Variants in DOC2B observed in about 807,000 individuals in gnomAD.
DOC2B encodes double C2-like domain-containing protein beta.
A neutral mutation model predicts 28.9 loss-of-function variants in DOC2B; 21 were observed. That is an observed-to-expected ratio of 0.73 (90% CI 0.52 to 1.05). DOC2B has a LOEUF of 1.05. Ranked by LOEUF, DOC2B falls within the 50% of genes least tolerant of loss-of-function variation. DOC2B has a pLI of 0.00. For missense variants in DOC2B, 384 were observed against 421.1 expected (o/e 0.91, Z 0.77); for synonymous variants, 194 against 178.1 (o/e 1.09, Z -0.71).
rs112706180 is a variant in DOC2B, at chr17:159,041, T to TAAAA, written c.765+2370_765+2373dup. Among the ~76,000 whole-genome samples, 5 of 139,722 alleles carry TAAAA rather than the reference T, an allele frequency of 3.6e-5. No individual in the cohort carries two copies. In the South Asian group the frequency reaches 6.9e-4, roughly 19 times the overall value. 91.7% of individuals were successfully genotyped at this position (139,722 alleles called of 152,430 possible). A position where few individuals can be genotyped will look rare whatever the true frequency, so the allele number is the denominator to read the frequency against. ...CCTGGGCGACATAGACTCCATCTCA[T>TAAAA]AAAAAAAAAAAAAAAACAACCAACC... On this transcript the variant is annotated intron_variant, in intron 5 of 8. Transcript: ENST00000613549.
chr17:165,246 C>T (rs1015321197), intron 2 of DOC2B, among the ~76,000 whole-genome samples: 6 of 152,182 alleles, frequency 3.9e-5, no homozygotes, highest in South Asian at 4.1e-4. Context: ...CGGTGGCTCA[C>T]GCCTGTAATC....
In DOC2B at chr17:143,768, C is replaced by A. The variant is rs943498923; in HGVS notation, c.*3673G>T. 4 of 152,286 alleles carry A rather than the reference C, an allele frequency of 2.6e-5. No individual in the cohort carries two copies. Among genetic ancestry groups the A allele is most frequent in the Middle Eastern group, 3.4e-3 (1 of 294 alleles). The allele number at this position is 152,286 out of a possible 1,614,324, so 9.4% of individuals were successfully genotyped here. A position where few individuals can be genotyped will look rare whatever the true frequency, so the allele number is the denominator to read the frequency against. On this transcript the variant is annotated 3_prime_UTR_variant, in exon 9 of 9. Coordinates refer to ENST00000613549, the MANE Select transcript of DOC2B (RefSeq NM_003585.5). ...TAACAAATAAGACTTAAAAAGGACA[C>A]CTTCGGGTAGGTCAGACCAAAATAC...
chr17:156,159 C>G, intron 6 of DOC2B, 61 bp downstream of exon 6: 5 of 1,482,158 alleles, frequency 3.4e-6, no homozygotes, highest in Non-Finnish European at 4.5e-6. Flanking sequence ...GGAGCCGGCA[C>G]ACGGACCCCC....
At position 159,627 on chromosome 17, in the gene DOC2B, A is replaced by AAAT. The variant is rs1392639169; in HGVS notation, c.765+1785_765+1787dup. ...TGACAGAGCAAGACTCAGTCTCAAA[A>AAAT]AATAATAATAATAAAAGTACCACCA... On this transcript the variant is annotated intron_variant, in intron 5 of 8. Coordinates refer to ENST00000613549, the MANE Select transcript of DOC2B (RefSeq NM_003585.5). Among the ~76,000 whole-genome samples the AAAT allele has an allele frequency of 5.9e-5, 9 of 152,248 alleles. No homozygotes were observed. In the East Asian group the frequency reaches 1.7e-3, roughly 29 times the overall value.
intron 2 of DOC2B, among the ~76,000 whole-genome samples, chr17:169,692 G>A (rs1236987437): frequency 2.6e-5 from 4 of 151,974 alleles, no homozygotes; most frequent in Non-Finnish European, 5.9e-5. Context: ...CCCTTATAAG[G>A]GGGGACAAGC....
chr17:174,199 G>A (rs1280728295), intron 1 of DOC2B, among the ~76,000 whole-genome samples: 3 of 152,170 alleles, frequency 2.0e-5, no homozygotes, highest in African/African-American at 4.8e-5. Context: ...CTCTGTCTTC[G>A]CAGCAGTGTG....
At chr17:156,608 C>A (rs1041733563) in intron 5 of DOC2B, among the ~76,000 whole-genome samples, 13 of 152,212 alleles carry the variant, frequency 8.5e-5, no homozygotes, top group African/African-American at 2.9e-4. Flanking sequence ...CTGCATGTGG[C>A]CTACGGTGGC....
At chr17:175,805 C>T (rs973379499) in intron 1 of DOC2B, among the ~76,000 whole-genome samples, 3 of 152,224 alleles carry the variant, frequency 2.0e-5, no homozygotes, top group East Asian at 1.9e-4. Context: ...AGGGGAGAAG[C>T]CCCTGCACTG....
chr17:181,017 G>A lies in DOC2B; in HGVS notation c.373+90C>T, dbSNP rs1414439906. 9.1e-7 allele frequency: 1 copy of A among 1,094,366 alleles called. No homozygotes were observed. Among genetic ancestry groups the A allele is most frequent in the Non-Finnish European group, 1.2e-6 (1 of 868,780 alleles). The allele number at this position is 1,094,366 out of a possible 1,614,324, so 67.8% of individuals were successfully genotyped here. ...ACCGAGGCAGAGCGCGAGCGCGCGAGGGGGACCGGCGGAGGGAAGCCGCGA... is the reference window on the plus strand; with the variant it reads ...ACCGAGGCAGAGCGCGAGCGCGCGAAGGGGACCGGCGGAGGGAAGCCGCGA... On this transcript the variant is annotated intron_variant, in intron 1 of 8. Coordinates refer to ENST00000613549, the MANE Select transcript of DOC2B (RefSeq NM_003585.5). This position sits in a 1 kb window ranked among gnomAD's most constrained non-coding sequence, Gnocchi z 7.0.
At chr17:148,359 G>C in intron 7 of DOC2B, 90 bp from the exon 8 acceptor site, 1 of 397,988 alleles carries the variant, frequency 2.5e-6, no homozygotes, top group Admixed American at 4.4e-5. Flanking sequence ...GGACAGAGGA[G>C]GGATGGGGGT....
intron 2 of DOC2B, among the ~76,000 whole-genome samples, chr17:164,939 A>G (rs1555523718): frequency 6.6e-6 from 1 of 152,134 alleles, no homozygotes; most frequent in Admixed American, 6.5e-5. Flanking sequence ...GATAGTATTC[A>G]AAGGGCTTCT....
intron 1 of DOC2B, among the ~76,000 whole-genome samples, chr17:172,819 C>A (rs2040327805): frequency 6.6e-6 from 1 of 152,210 alleles, no homozygotes; most frequent in Admixed American, 6.5e-5. Flanking sequence ...AATCTCCCCA[C>A]TTTCCAGAGG....
rs547951388 is a variant in DOC2B at position 173,121 on chromosome 17, G to T, written c.374-505C>A. ...TGCAGCTCCTCTGTCTCTCTGGCCC[G>T]TTGGGAACCCCGAGCAGGCCGTGAG... On this transcript the variant is annotated intron_variant, in intron 1 of 8. Transcript: ENST00000613549. Among the ~76,000 whole-genome samples the T allele has an allele frequency of 5.9e-5, 9 of 152,302 alleles. 1 individual carries two copies. The highest frequency in any genetic ancestry group is 1.9e-4 in the African/African-American group (8 of 41,570).
intron 7 of DOC2B, 59 bp downstream of exon 7, chr17:149,052 A>C: frequency 2.5e-6 from 1 of 397,238 alleles, no homozygotes; most frequent in African/African-American, 2.1e-5. Flanking sequence ...ACCCAGCCAC[A>C]CCCCCACTGC....
chr17:172,705 G>T, intron 1 of DOC2B, 89 bp from the exon 2 acceptor site: 1 of 1,100,474 alleles, frequency 9.1e-7, no homozygotes, highest in Non-Finnish European at 1.3e-6. Context: ...GCCTGGCCTG[G>T]GCAGGTGCCA....
intron 6 of DOC2B, among the ~76,000 whole-genome samples, chr17:154,868 T>C (rs1291627138): frequency 6.6e-6 from 1 of 152,136 alleles, no homozygotes; most frequent in African/African-American, 2.4e-5. Flanking sequence ...TAGCTGCGAT[T>C]ACAGGCGCCC....
chr17:159,410 A>C (rs1055499538), intron 5 of DOC2B, among the ~76,000 whole-genome samples: 3 of 152,122 alleles, frequency 2.0e-5, no homozygotes, highest in Non-Finnish European at 1.5e-5. Context: ...TGGATCATTC[A>C]AGGTCAGGAG....
Position 181,392 on chromosome 17 carries a change from T to G in DOC2B, c.88A>C (p.Ile30Leu), listed in dbSNP as rs990003322. The G allele has an allele frequency of 2.6e-6, 3 of 1,162,654 alleles. No homozygotes were observed. In the African/African-American group the frequency reaches 5.0e-5, roughly 19 times the overall value. 72.0% of individuals were successfully genotyped at this position (1,162,654 alleles called of 1,614,324 possible). A position where few individuals can be genotyped will look rare whatever the true frequency, so the allele number is the denominator to read the frequency against. The stretch of plus-strand genomic sequence containing the variant: ...GGGAAGTAGTCGGAGATCTGCTTGA[T>G]GGGACGGATGGGGCCGGGGCACACG... Reference protein sequence around the residue: ...IDVCPGPIRPIKQISDYFPRF... With the variant: ...IDVCPGPIRPLKQISDYFPRF... Residue 30 changes from isoleucine (I) to leucine (L), a missense_variant, in exon 1 of 9, where the codon ATC (isoleucine) becomes CTC (leucine). Transcript: ENST00000613549. The surrounding 1 kb of genome is among the most constrained non-coding windows in gnomAD (Gnocchi z 7.0).
chr17:144,493 C>G lies in DOC2B; in HGVS notation c.*2948G>C, dbSNP rs2040006282. 1 of 152,242 alleles carries G rather than the reference C, an allele frequency of 6.6e-6. No homozygotes were observed. Among genetic ancestry groups the G allele is most frequent in the African/African-American group, 2.4e-5 (1 of 41,458 alleles). 9.4% of individuals were successfully genotyped at this position (152,242 alleles called of 1,614,324 possible). A position where few individuals can be genotyped will look rare whatever the true frequency, so the allele number is the denominator to read the frequency against. ...CAGGCGGGTTTCGAACTCCTGACCT[C>G]AGGTGATCCGCCAGCCTCGGCCTCC... is the stretch of plus-strand genomic sequence containing the variant. On this transcript the variant is annotated 3_prime_UTR_variant, in exon 9 of 9. Transcript: ENST00000613549.
Sources: gnomAD v4.1 joint callset for allele counts (sites outside exome capture counted in the v4.1 genomes callset) on GRCh38, gnomAD v4.1.1 for gene constraint, Gnocchi (gnomAD v3.1) non-coding constraint, MANE v1.5 for transcripts, NCBI Gene and HGNC (gene_info 2026-07-23, HGNC 2026-07-21) for gene names.